The following NUP210L variants were observed in gnomAD, a reference collection of about 807,000 sequenced individuals.
NUP210L encodes nucleoporin 210 like.
Under a neutral mutation model 208.5 loss-of-function variants are expected in NUP210L, and 74 were observed. The observed-to-expected ratio is 0.35, with a 90% CI of 0.29 to 0.43. NUP210L has a LOEUF of 0.43. Ranked by LOEUF, NUP210L falls within the 20% of genes least tolerant of loss-of-function variation. The pLI, the probability that NUP210L is intolerant of heterozygous loss-of-function variation, is 1.00. For synonymous variants in NUP210L, 780 were observed against 816.9 expected (o/e 0.95, Z 0.77); for missense variants, 1,843 against 2,289.4 (o/e 0.81, Z 3.98).
At chr1:154,138,786 A>C (rs1658686843) in intron 5 of NUP210L, among the ~76,000 whole-genome samples, 1 of 152,236 alleles carries the variant, frequency 6.6e-6, no homozygotes. Context: ...CATTAAAACA[A>C]AAACTATACA....
chr1:154,051,461 G>T (rs928678141), intron 25 of NUP210L, among the ~76,000 whole-genome samples: 9 of 152,200 alleles, frequency 5.9e-5, no homozygotes, highest in African/African-American at 1.9e-4. Flanking sequence ...TTATCCAACT[G>T]CCTCAGCCTC....
intron 32 of NUP210L, among the ~76,000 whole-genome samples, chr1:154,020,258 T>A (rs12048137): frequency 6.6e-6 from 1 of 152,112 alleles, no homozygotes; most frequent in Non-Finnish European, 1.5e-5. Flanking sequence ...CTACAAGCAG[T>A]TCTTACTTGG....
At position 154,054,714 on chromosome 1, in the gene NUP210L, G is replaced by A. The variant is rs1046983107; in HGVS notation, c.3303+56C>T. On this transcript the variant is annotated intron_variant, in intron 24 of 39. Transcript: ENST00000368559. Reference sequence around the variant, plus strand: ...GGAAGAGAGGTGTGTGTGTGTGAGAGAGAGAGAGAGGTAAGGAGAAAAGGT... The same window carrying A: ...GGAAGAGAGGTGTGTGTGTGTGAGAAAGAGAGAGAGGTAAGGAGAAAAGGT... 46 of 1,200,364 alleles carry A rather than the reference G, an allele frequency of 3.8e-5. 1 individual carries two copies. Among genetic ancestry groups the A allele is most frequent in the Non-Finnish European group, 5.0e-5 (40 of 805,156 alleles). The allele number at this position is 1,200,364 out of a possible 1,614,324, so 74.4% of individuals were successfully genotyped here. A position where few individuals can be genotyped will look rare whatever the true frequency, so the allele number is the denominator to read the frequency against.
At chr1:154,034,435 T>G (rs1652420959) in intron 27 of NUP210L, among the ~76,000 whole-genome samples, 1 of 152,086 alleles carries the variant, frequency 6.6e-6, no homozygotes, top group Non-Finnish European at 1.5e-5. Context: ...TTCAAGTGAT[T>G]CTCCTGCTTC....
intron 37 of NUP210L, among the ~76,000 whole-genome samples, chr1:154,000,359 T>C (rs768414101): frequency 2.9e-4 from 44 of 152,180 alleles, no homozygotes; most frequent in African/African-American, 8.4e-4. Flanking sequence ...ACAGATAATA[T>C]TGAACCCTCT....
chr1:153,996,173 T>G (rs1649851243), intron 37 of NUP210L, among the ~76,000 whole-genome samples: 1 of 151,914 alleles, frequency 6.6e-6, no homozygotes, highest in Admixed American at 6.6e-5. Flanking sequence ...GCACCTGTAG[T>G]CCCAGCTACT....
At chr1:154,087,123 C>G (rs544079369) in intron 16 of NUP210L, among the ~76,000 whole-genome samples, 19 of 152,096 alleles carry the variant, frequency 1.2e-4, no homozygotes, top group Admixed American at 9.2e-4. Flanking sequence ...AGTTTGAGAC[C>G]AGCCTGGCCA....
chr1:154,034,680 G>A (rs1420822854), intron 27 of NUP210L, among the ~76,000 whole-genome samples: 1 of 151,034 alleles, frequency 6.6e-6, no homozygotes, highest in Non-Finnish European at 1.5e-5. Context: ...ACTTGTTATT[G>A]GTCTGTTCAG....
intron 14 of NUP210L, among the ~76,000 whole-genome samples, chr1:154,096,813 G>A (rs916297229): frequency 1.3e-5 from 2 of 152,014 alleles, no homozygotes; most frequent in African/African-American, 4.8e-5. Flanking sequence ...AGGTGTGGTG[G>A]CTCATGCCTG....
intron 33 of NUP210L, among the ~76,000 whole-genome samples, chr1:154,016,200 G>A (rs2147917803): frequency 6.6e-6 from 1 of 151,918 alleles, no homozygotes; most frequent in African/African-American, 2.4e-5. Flanking sequence ...AGGCTGCAGT[G>A]AGCCATGATT....
At chr1:154,099,908 G>T in intron 14 of NUP210L, 90 bp downstream of exon 14, 2 of 1,297,074 alleles carry the variant, frequency 1.5e-6, no homozygotes, top group Non-Finnish European at 2.2e-6. Flanking sequence ...TTGATCCTTA[G>T]TGGGGACCAC....
exon 31 of NUP210L, chr1:154,023,202 A>G (rs1651663744): frequency 2.5e-6 from 4 of 1,613,942 alleles, no homozygotes; most frequent in Admixed American, 1.7e-5. Context: ...CAGTGAAGGT[A>G]AGAGACATGC....
At position 154,006,944 on chromosome 1, in the gene NUP210L, G is replaced by GTGTGTGTGTA. The variant is rs1557908848; in HGVS notation, c.4930+3027_4930+3028insTACACACACA. The stretch of plus-strand genomic sequence containing the variant: ...CATATGTCTGTGTGTGTGTGTGTGT[G>GTGTGTGTGTA]TGTATATATATATATATATATATTT... On this transcript the variant is annotated intron_variant, in intron 35 of 39. Coordinates refer to ENST00000368559, the Ensembl canonical transcript of NUP210L. Among the ~76,000 whole-genome samples, 137 of 97,776 alleles carry GTGTGTGTGTA rather than the reference G, an allele frequency of 1.4e-3. 1 individual carries two copies. The highest frequency in any genetic ancestry group is 5.5e-3 in the South Asian group (14 of 2,540). The allele number at this position is 97,776 out of a possible 152,430, so 64.1% of individuals were successfully genotyped here.
intron 14 of NUP210L, among the ~76,000 whole-genome samples, chr1:154,098,465 G>C (rs989492238): frequency 6.6e-6 from 1 of 152,192 alleles, no homozygotes; most frequent in African/African-American, 2.4e-5. Flanking sequence ...TGGAGGGTGA[G>C]CAAGGTGAAG....
At chr1:154,104,184 C>T in exon 13 of NUP210L, 1 of 1,613,832 alleles carries the variant, frequency 6.2e-7, no homozygotes, top group Non-Finnish European at 8.5e-7. Flanking sequence ...GTAACAGTTC[C>T]ATTTTGTTCA....
chr1:154,138,110 C>A, exon 6 of NUP210L: 1 of 1,485,682 alleles, frequency 6.7e-7, no homozygotes, highest in South Asian at 1.4e-5. Context: ...CCTTACCTGT[C>A]ACTCTCCCTT....
At chr1:153,993,184 C>T (rs1649577348) in intron 38 of NUP210L, 95 bp from the exon 39 acceptor site, 1 of 781,800 alleles carries the variant, frequency 1.3e-6, no homozygotes, top group Non-Finnish European at 2.0e-6. Context: ...AAAAATAATT[C>T]TTAAAAATAA....
chr1:154,078,626 T>C (rs1245208699), intron 16 of NUP210L, among the ~76,000 whole-genome samples: 1 of 151,730 alleles, frequency 6.6e-6, no homozygotes, highest in Non-Finnish European at 1.5e-5. Flanking sequence ...ATATATATAT[T>C]TACTGGTTTG....
At chr1:154,141,910 C>G (rs192750132) in intron 3 of NUP210L, among the ~76,000 whole-genome samples, 1 of 152,150 alleles carries the variant, frequency 6.6e-6, no homozygotes, top group African/African-American at 2.4e-5. Context: ...ACCTGTAATC[C>G]CAGCACTTTG....
Sources: allele counts gnomAD v4.1 joint callset (sites outside exome capture counted in the v4.1 genomes callset), GRCh38; gene constraint gnomAD v4.1.1; transcripts MANE v1.5; gene names NCBI Gene and HGNC (gene_info 2026-07-23, HGNC 2026-07-21).